RAB31: variants seen among roughly 807,000 people sequenced by gnomAD.
The protein encoded by RAB31 is RAB31, member RAS oncogene family.
RAB31 carries 21 observed loss-of-function variants against 25.6 expected under a neutral mutation model. That is an observed-to-expected ratio of 0.82 (90% CI 0.58 to 1.18). RAB31 has a LOEUF of 1.18. Ranked by LOEUF, RAB31 falls within the 50% of genes most tolerant of loss-of-function variation. The pLI is 0.00. For synonymous variants in RAB31, 87 were observed against 84.0 expected (o/e 1.04, Z -0.20); for missense variants, 196 against 250.1 (o/e 0.78, Z 1.46).
At chr18:9,829,295 T>C (rs2068665604) in intron 5 of RAB31, among the ~76,000 whole-genome samples, 1 of 152,170 alleles carries the variant, frequency 6.6e-6, no homozygotes, top group South Asian at 2.1e-4. Flanking sequence ...TGCCCGTTTT[T>C]GAACTTTGTA....
chr18:9,852,691 A>T (rs1032902895), intron 6 of RAB31, among the ~76,000 whole-genome samples: 5 of 152,152 alleles, frequency 3.3e-5, no homozygotes, highest in Non-Finnish European at 7.3e-5. Context: ...TTGGGTGATA[A>T]CCAGTAAAGG....
intron 1 of RAB31, among the ~76,000 whole-genome samples, chr18:9,755,822 A>G (rs2068257860): frequency 6.6e-6 from 1 of 152,226 alleles, no homozygotes; most frequent in Non-Finnish European, 1.5e-5. Flanking sequence ...GGCCTGGACA[A>G]TGGAAGAGGA....
chr18:9,778,653 T>G (rs1459861222), intron 2 of RAB31, among the ~76,000 whole-genome samples: 1 of 152,154 alleles, frequency 6.6e-6, no homozygotes, highest in Non-Finnish European at 1.5e-5. Context: ...GTATTTTTAG[T>G]AGGAACGGGG....
chr18:9,751,047 C>T (rs956324797), intron 1 of RAB31, among the ~76,000 whole-genome samples: 9 of 151,848 alleles, frequency 5.9e-5, no homozygotes, highest in African/African-American at 1.5e-4. Flanking sequence ...TAATTTTAGT[C>T]TTTTTGAGAC....
At position 9,852,306 on chromosome 18, in the gene RAB31, G is replaced by A. The variant is rs552064367; in HGVS notation, c.490+6615G>A. 2.0e-5 allele frequency among the ~76,000 whole-genome samples: 3 copies of A among 152,184 alleles called. No homozygotes were observed. The East Asian group carries it at 5.8e-4, about 29-fold the overall frequency. ...ATGTTATCATATTAATAACCAGAAT[G>A]CTGTTATCATATTAATTACTATCAT... On this transcript the variant is annotated intron_variant, in intron 6 of 6. Transcript: ENST00000578921.
chr18:9,753,088 G>T (rs2068243586), intron 1 of RAB31, among the ~76,000 whole-genome samples: 2 of 152,210 alleles, frequency 1.3e-5, no homozygotes, highest in Non-Finnish European at 2.9e-5. Context: ...TTATTAAGTT[G>T]TCTATACTTA....
chr18:9,708,378 A>C lies in RAB31; in HGVS notation c.-28A>C. On this transcript the variant is annotated 5_prime_UTR_variant, in exon 1 of 7. Coordinates refer to ENST00000578921, the MANE Select transcript of RAB31 (RefSeq NM_006868.4). The surrounding 1 kb of genome is among the most constrained non-coding windows in gnomAD (Gnocchi z 6.4). ...GCGGCGGCCCCGGAGGATGCTGCTG[A>C]GCCCCGGCACTGCCTGGCTGCGAGC... 6.6e-7 allele frequency: 1 copy of C among 1,525,790 alleles called. No homozygotes were observed. Among genetic ancestry groups the C allele is most frequent in the Non-Finnish European group, 8.8e-7 (1 of 1,134,258 alleles). The allele number at this position is 1,525,790 out of a possible 1,614,324, so 94.5% of individuals were successfully genotyped here.
At chr18:9,755,765 T>C (rs2145480829) in intron 1 of RAB31, among the ~76,000 whole-genome samples, 1 of 152,292 alleles carries the variant, frequency 6.6e-6, no homozygotes, top group Non-Finnish European at 1.5e-5. Flanking sequence ...CCCTCTCTCC[T>C]TTGAATGAAT....
At chr18:9,850,904 T>G (rs1032563216) in intron 6 of RAB31, among the ~76,000 whole-genome samples, 3 of 151,924 alleles carry the variant, frequency 2.0e-5, no homozygotes, top group Non-Finnish European at 4.4e-5. Context: ...GGTAAATATA[T>G]TTAGAGGTAC....
intron 5 of RAB31, among the ~76,000 whole-genome samples, chr18:9,845,250 A>T (rs1414874509): frequency 6.6e-6 from 1 of 152,246 alleles, no homozygotes; most frequent in Non-Finnish European, 1.5e-5. Flanking sequence ...GAGTCATGTA[A>T]TGGGGAAAAA....
At position 9,743,911 on chromosome 18, in the gene RAB31, G is replaced by A. The variant is rs1270107290; in HGVS notation, c.40-31367G>A. Reference sequence around the variant, plus strand: ...AGATGGGCAGCTGACTCACTTCACTGTCATCCCCTCACCCATCTTCTGTGG... The same window carrying A: ...AGATGGGCAGCTGACTCACTTCACTATCATCCCCTCACCCATCTTCTGTGG... On this transcript the variant is annotated intron_variant, in intron 1 of 6. Coordinates refer to ENST00000578921, the MANE Select transcript of RAB31 (RefSeq NM_006868.4). Among the ~76,000 whole-genome samples, 3 of 152,194 alleles carry A rather than the reference G, an allele frequency of 2.0e-5. No homozygotes were observed. The East Asian group carries it at 5.8e-4, about 29-fold the overall frequency.
chr18:9,730,358 C>T (rs1001545459), intron 1 of RAB31, among the ~76,000 whole-genome samples: 1 of 149,812 alleles, frequency 6.7e-6, no homozygotes, highest in Non-Finnish European at 1.5e-5. Context: ...ATGATCTTGG[C>T]TCACTGCAGC....
At chr18:9,723,193 G>A (rs577991639) in intron 1 of RAB31, among the ~76,000 whole-genome samples, 43 of 152,028 alleles carry the variant, frequency 2.8e-4, no homozygotes, top group South Asian at 6.2e-4. Context: ...GATTACAGGC[G>A]TGTGGCACCA....
At chr18:9,749,317 A>G (rs1373021719) in intron 1 of RAB31, among the ~76,000 whole-genome samples, 3 of 151,170 alleles carry the variant, frequency 2.0e-5, no homozygotes, top group African/African-American at 7.3e-5. Context: ...GGGAGGTGCT[A>G]CCATTGCCCC....
Position 9,783,267 on chromosome 18 carries a change from G to T in RAB31, c.119+7910G>T, listed in dbSNP as rs2298502. On this transcript the variant is annotated intron_variant, in intron 2 of 6. Coordinates refer to ENST00000578921, the MANE Select transcript of RAB31 (RefSeq NM_006868.4). The stretch of plus-strand genomic sequence containing the variant: ...GAACAGGAAACCAAAGGGCTTTACG[G>T]GCTGGTTCATTGAGTCTGGCAGTGA... Among the ~76,000 whole-genome samples, 1,393 of 152,228 alleles carry T rather than the reference G, an allele frequency of 9.2e-3. 60 individuals are homozygous for T. The East Asian group carries it at 0.12, about 13-fold the overall frequency.
chr18:9,834,299 A>G (rs1019093184), intron 5 of RAB31, among the ~76,000 whole-genome samples: 20 of 152,070 alleles, frequency 1.3e-4, no homozygotes, highest in African/African-American at 4.6e-4. Context: ...TATTTTTAGT[A>G]GAGATGGGGT....
intron 6 of RAB31, among the ~76,000 whole-genome samples, chr18:9,854,040 C>T (rs1039650273): frequency 1.3e-5 from 2 of 149,410 alleles, no homozygotes. Context: ...TATACATATG[C>T]CATAGTGGTT....
At chr18:9,799,368 A>G (rs1424805895) in intron 3 of RAB31, among the ~76,000 whole-genome samples, 1 of 152,256 alleles carries the variant, frequency 6.6e-6, no homozygotes, top group African/African-American at 2.4e-5. Flanking sequence ...CTTACTGCCC[A>G]GTAATAATTC....
rs138067024 is a variant in RAB31, at chr18:9,807,427, G to A, written c.202-6593G>A. 6.4e-4 allele frequency among the ~76,000 whole-genome samples: 97 copies of A among 152,078 alleles called. 1 individual carries two copies. The highest frequency in any genetic ancestry group is 2.3e-3 in the African/African-American group (94 of 41,464). Reference sequence around the variant, plus strand: ...CGTCATGGCCATCCTGGCTTTCCCCGCAAATGCATATCACGGTGGCTGTGT... The same window carrying A: ...CGTCATGGCCATCCTGGCTTTCCCCACAAATGCATATCACGGTGGCTGTGT... On this transcript the variant is annotated intron_variant, in intron 3 of 6. Coordinates refer to ENST00000578921, the MANE Select transcript of RAB31 (RefSeq NM_006868.4).
Sources: gnomAD v4.1 joint callset for allele counts (sites outside exome capture counted in the v4.1 genomes callset) on GRCh38, gnomAD v4.1.1 for gene constraint, Gnocchi (gnomAD v3.1) non-coding constraint, MANE v1.5 for transcripts, NCBI Gene and HGNC (gene_info 2026-07-23, HGNC 2026-07-21) for gene names.